Variants in ZNF770 observed in about 807,000 individuals in gnomAD.
ZNF770 encodes zinc finger protein 770.
In ZNF770, 13 loss-of-function variants were observed where a neutral mutation model predicts 44.8. That is an observed-to-expected ratio of 0.29 (90% confidence interval 0.19 to 0.46). The LOEUF (loss-of-function observed/expected upper bound fraction) is 0.46, where lower values mean the gene tolerates loss of function less well. Ranked by LOEUF, ZNF770 falls within the 20% of genes least tolerant of loss-of-function variation. The pLI, the probability that ZNF770 is intolerant of heterozygous loss-of-function variation, is 1.00. For missense variants in ZNF770, 681 were observed against 797.9 expected, an observed-to-expected ratio of 0.85 and a Z score of 1.77; for synonymous variants, 304 against 271.8, an observed-to-expected ratio of 1.12 and a Z score of -1.17.
Position 34,978,517 on chromosome 15 carries a change from T to C in ZNF770, c.*2842A>G, listed in dbSNP as rs2050381415. ...CAGCCAATCAAACTACTTCAGTAAATGATCATACTACAGCCTGGAATCACT... is the reference window on the plus strand; with the variant it reads ...CAGCCAATCAAACTACTTCAGTAAACGATCATACTACAGCCTGGAATCACT... On this transcript the variant is annotated 3_prime_UTR_variant, in exon 3 of 3. Transcript: ENST00000356321. The C allele has an allele frequency of 6.6e-6, 1 of 152,176 alleles. No homozygotes were observed. Among genetic ancestry groups the C allele is most frequent in the South Asian group, 2.1e-4 (1 of 4,834 alleles). The allele number at this position is 152,176 out of a possible 1,614,324, so 9.4% of individuals were successfully genotyped here. A position where few individuals can be genotyped will look rare whatever the true frequency, so the allele number is the denominator to read the frequency against.
chr15:34,984,299 C>T (rs1015593960), intron 2 of ZNF770, among the ~76,000 whole-genome samples: 1 of 152,160 alleles, frequency 6.6e-6, no homozygotes, highest in Non-Finnish European at 1.5e-5. Context: ...TTATCCTTAT[C>T]GTCTTAGTAA....
At position 34,981,788 on chromosome 15, in the gene ZNF770, T is replaced by C. The variant is rs757153638; in HGVS notation, c.1647A>G (p.Ser549=). ...FGNFNNLSNH[S]GNNVNYNASQ... Reference sequence around the variant, plus strand: ...AAGCATTATAGTTAACATTATTACCTGAATGATTAGAAAGATTGTTGAAGT... The same window carrying C: ...AAGCATTATAGTTAACATTATTACCCGAATGATTAGAAAGATTGTTGAAGT... The change falls in exon 3 of 3, where the codon TCA becomes TCG. Residue 549 remains serine (S), a synonymous_variant. Transcript: ENST00000356321. 1.2e-6 allele frequency: 2 copies of C among 1,614,140 alleles called. No homozygotes were observed. The highest frequency in any genetic ancestry group is 1.7e-6 in the Non-Finnish European group (2 of 1,180,024).
rs1352369198 is a variant in ZNF770, at chr15:34,979,898, GA to G, written c.*1460del. ...AATATGAAGGAAAATTTGTAATTAT[GA>G]AATAAGTCCTTTGTAGTAAAGAATA... On this transcript the variant is annotated 3_prime_UTR_variant, in exon 3 of 3. Transcript: ENST00000356321. 6.7e-6 allele frequency: 2 copies of G among 300,504 alleles called. No homozygotes were observed. The highest frequency in any genetic ancestry group is 2.3e-5 in the African/African-American group (1 of 44,062). 18.6% of individuals were successfully genotyped at this position (300,504 alleles called of 1,614,324 possible). A position where few individuals can be genotyped will look rare whatever the true frequency, so the allele number is the denominator to read the frequency against.
At position 34,982,338 on chromosome 15, in the gene ZNF770, A is replaced by C; in HGVS notation, c.1097T>G (p.Leu366Trp). Residue 366 changes from leucine (L) to tryptophan (W), a missense_variant, in exon 3 of 3, where the codon TTG (leucine) becomes TGG (tryptophan). Around this residue, in one of 5 missense-constraint regions of ZNF770, gnomAD observed 432 missense variants for 434.1 expected, o/e 1.00. Transcript: ENST00000356321. ...ACCAGAAATAAGATCACAATTTCTC[A>C]AGAAACTCTTTTTAAATACTTTTTT... ...SEKKVFKKSF[L>W]RNCDLISGEQ... The C allele has an allele frequency of 1.2e-6, 2 of 1,608,566 alleles. No individual in the cohort carries two copies. The highest frequency in any genetic ancestry group is 2.2e-5 in the South Asian group (2 of 89,446).
In ZNF770 at chr15:34,982,368, G is replaced by A. The variant is rs1379039268; in HGVS notation, c.1067C>T (p.Ser356Phe). 6.2e-7 allele frequency: 1 copy of A among 1,608,724 alleles called. No individual in the cohort carries two copies. The highest frequency in any genetic ancestry group is 2.2e-5 in the East Asian group (1 of 44,848). The change falls in exon 3 of 3, where the codon TCT becomes TTT. Residue 356 changes from serine (S) to phenylalanine (F), a missense_variant. Ser to Phe is a radical substitution (Grantham distance 155, BLOSUM62 -2). Transcript: ENST00000356321. ...ACTCTTTTTAAATACTTTTTTCTCA[G>A]ATTGAAAGTTATCTAATTTTTTACT... Reference protein sequence around the residue: ...ARSKKLDNFQSEKKVFKKSFL... With the variant: ...ARSKKLDNFQFEKKVFKKSFL...
At position 34,982,615 on chromosome 15, in the gene ZNF770, C is replaced by T. The variant is rs1403941811; in HGVS notation, c.820G>A (p.Glu274Lys). The T allele has an allele frequency of 1.9e-6, 3 of 1,613,276 alleles. No homozygotes were observed. In the Admixed American group the frequency reaches 5.0e-5, roughly 27 times the overall value. ...TTATTCTCCTCAGATTCACCAATCT[C>T]ACCATTTTCAAAACCACCCTGATTT... ...NANQGGFENG[E>K]IGESEENNPL... The change falls in exon 3 of 3, where the codon GAG (glutamate) becomes AAG (lysine). Residue 274 changes from glutamate (E) to lysine (K), a missense_variant. By Grantham distance (56) the Glu-to-Lys change is moderately conservative (BLOSUM62 1). Transcript: ENST00000356321.
chr15:34,980,379 C>G lies in ZNF770; in HGVS notation c.*980G>C, dbSNP rs1035573286. ...GGTAAATATAGGTACATCCTAGCCTCTCGCCTACTTTTAAATTATTTTGAG... is the reference window on the plus strand; with the variant it reads ...GGTAAATATAGGTACATCCTAGCCTGTCGCCTACTTTTAAATTATTTTGAG... On this transcript the variant is annotated 3_prime_UTR_variant, in exon 3 of 3. Coordinates refer to ENST00000356321, the MANE Select transcript of ZNF770 (RefSeq NM_014106.4). The G allele has an allele frequency of 5.9e-5, 9 of 152,138 alleles. No individual in the cohort carries two copies. Among genetic ancestry groups the G allele is most frequent in the African/African-American group, 1.9e-4 (8 of 41,396 alleles). 9.4% of individuals were successfully genotyped at this position (152,138 alleles called of 1,614,324 possible).
intron 2 of ZNF770, among the ~76,000 whole-genome samples, chr15:34,986,424 GTC>G (rs1250583457): frequency 1.3e-5 from 2 of 152,136 alleles, no homozygotes; most frequent in East Asian, 3.9e-4. Flanking sequence ...AAGCTCCAAA[GTC>G]TCTAAACATG....
In ZNF770 at chr15:34,979,673, C is replaced by T. The variant is rs538903845; in HGVS notation, c.*1686G>A. On this transcript the variant is annotated 3_prime_UTR_variant, in exon 3 of 3. Transcript: ENST00000356321. ...ACCTACTATCCCTCCCGCCTCCCCC[C>T]TGTCAAAAGAAAGTTCTCAGTTTAT... is the stretch of plus-strand genomic sequence containing the variant. 6.7e-6 allele frequency: 3 copies of T among 448,588 alleles called. No homozygotes were observed. The highest frequency in any genetic ancestry group is 2.4e-5 in the Admixed American group (1 of 40,844). The allele number at this position is 448,588 out of a possible 1,614,324, so 27.8% of individuals were successfully genotyped here.
chr15:34,982,114 A>T lies in ZNF770; in HGVS notation c.1321T>A (p.Ser441Thr). The T allele has an allele frequency of 6.2e-7, 1 of 1,614,052 alleles. No homozygotes were observed. The highest frequency in any genetic ancestry group is 8.5e-7 in the Non-Finnish European group (1 of 1,180,014). Residue 441 changes from serine (S) to threonine (T), a missense_variant, in exon 3 of 3, where the codon TCA becomes ACA. Around this residue, in one of 5 missense-constraint regions of ZNF770, gnomAD observed 432 missense variants for 434.1 expected, o/e 1.00. Transcript: ENST00000356321. ...IDNSVNKKDL[S>T]ICGSSGEEFF... is the part of the protein sequence containing the mutation. Reference sequence around the variant, plus strand: ...TCCTCACCTGATGAACCACAGATTGACAAGTCTTTCTTATTCACTGAATTA... The same window carrying T: ...TCCTCACCTGATGAACCACAGATTGTCAAGTCTTTCTTATTCACTGAATTA...
Position 34,979,941 on chromosome 15 carries a change from A to G in ZNF770, c.*1418T>C, listed in dbSNP as rs577072352. On this transcript the variant is annotated 3_prime_UTR_variant, in exon 3 of 3. Coordinates refer to ENST00000356321, the MANE Select transcript of ZNF770 (RefSeq NM_014106.4). ...TAAAGAATATTTCCCAAATCATAACAGTTCTATTTGGAATGATACCCACAA... is the reference window on the plus strand; with the variant it reads ...TAAAGAATATTTCCCAAATCATAACGGTTCTATTTGGAATGATACCCACAA... The G allele has an allele frequency of 4.1e-6, 1 of 242,702 alleles. No individual in the cohort carries two copies. Among genetic ancestry groups the G allele is most frequent in the East Asian group, 1.5e-4 (1 of 6,544 alleles). 15.0% of individuals were successfully genotyped at this position (242,702 alleles called of 1,614,324 possible).
chr15:34,987,738 G>C (rs1383969670), intron 1 of ZNF770, 65 bp from the exon 2 acceptor site: 1 of 152,118 alleles, frequency 6.6e-6, no homozygotes. Flanking sequence ...TGCCCCACTC[G>C]CCCCGGGCCC....
chr15:34,983,101 T>C lies in ZNF770; in HGVS notation c.334A>G (p.Lys112Glu). The C allele has an allele frequency of 6.2e-7, 1 of 1,614,114 alleles. No individual in the cohort carries two copies. The highest frequency in any genetic ancestry group is 8.5e-7 in the Non-Finnish European group (1 of 1,179,988). Residue 112 changes from lysine (K) to glutamate (E), a missense_variant, in exon 3 of 3, where the codon AAA becomes GAA. Around this residue, in one of 5 missense-constraint regions of ZNF770, gnomAD observed 432 missense variants for 434.1 expected, o/e 1.00. Transcript: ENST00000356321. ...GCCTCCAGCAATCTTCTGACCTGTTTAACATTATTCTGATAGGTTTCATTG... is the reference window on the plus strand; with the variant it reads ...GCCTCCAGCAATCTTCTGACCTGTTCAACATTATTCTGATAGGTTTCATTG... ...LHNETYQNNV[K>E]QVRRLLEAKQ... is the part of the protein sequence containing the mutation.
chr15:34,987,787 G>A (rs1329573783), intron 1 of ZNF770, 114 bp from the exon 2 acceptor site: 1 of 152,130 alleles, frequency 6.6e-6, no homozygotes, highest in Non-Finnish European at 1.5e-5. Context: ...CCCTCCCAGT[G>A]GACTACACTG....
chr15:34,987,603 T>C lies in ZNF770; in HGVS notation c.-103A>G, dbSNP rs1371021785. 1.3e-5 allele frequency: 2 copies of C among 152,266 alleles called. No individual in the cohort carries two copies. The highest frequency in any genetic ancestry group is 4.8e-5 in the African/African-American group (2 of 41,466). The allele number at this position is 152,266 out of a possible 1,614,324, so 9.4% of individuals were successfully genotyped here. On this transcript the variant is annotated 5_prime_UTR_variant, in exon 2 of 3. Transcript: ENST00000356321. ...CTCAAGGCTGAAAGCCTGTTGATTT[T>C]CTTGTCTTGACTAGTACCATTAAAA...
At chr15:34,987,869 C>T (rs2050445377) in intron 1 of ZNF770, among the ~76,000 whole-genome samples, 196 bp from the exon 2 acceptor site, 1 of 152,108 alleles carries the variant, frequency 6.6e-6, no homozygotes, top group Admixed American at 6.6e-5. Context: ...ATGGTCGAGC[C>T]GAGTCCAGAA....
At position 34,983,026 on chromosome 15, in the gene ZNF770, C is replaced by G. The variant is rs777391880; in HGVS notation, c.409G>C (p.Glu137Gln). ...YGVYNTFTTE[E>Q]RWALHPCSKS... Reference sequence around the variant, plus strand: ...GAGCACGGGTGTAATGCCCATCTTTCCTCTGTGGTAAAAGTATTATACACT... The same window carrying G: ...GAGCACGGGTGTAATGCCCATCTTTGCTCTGTGGTAAAAGTATTATACACT... The change falls in exon 3 of 3, where the codon GAA (glutamate) becomes CAA (glutamine). Residue 137 changes from glutamate (E) to glutamine (Q), a missense_variant. Transcript: ENST00000356321. 3 of 1,614,006 alleles carry G rather than the reference C, an allele frequency of 1.9e-6. No homozygotes were observed. In the East Asian group the frequency reaches 6.7e-5, roughly 36 times the overall value.
rs2050444120 is a variant in ZNF770 at position 34,987,680 on chromosome 15, G to A, written c.-173-7C>T. On this transcript the variant is annotated splice_region_variant and splice_polypyrimidine_tract_variant and intron_variant, in intron 1 of 2. Transcript: ENST00000356321. ...CGAACAAGAAATGAAAGACCTAAGA[G>A]AAACACACACAACTTTCAGTTGGGG... 1 of 152,238 alleles carries A rather than the reference G, an allele frequency of 6.6e-6. No individual in the cohort carries two copies. 9.4% of individuals were successfully genotyped at this position (152,238 alleles called of 1,614,324 possible). A position where few individuals can be genotyped will look rare whatever the true frequency, so the allele number is the denominator to read the frequency against.
At chr15:34,983,689 A>C (rs1236997017) in intron 2 of ZNF770, among the ~76,000 whole-genome samples, 199 bp from the exon 3 acceptor site, 1 of 152,158 alleles carries the variant, frequency 6.6e-6, no homozygotes. Flanking sequence ...TCTTTAAAAG[A>C]AATATCTAAA....
Sources: allele counts gnomAD v4.1 joint callset (sites outside exome capture counted in the v4.1 genomes callset), GRCh38; gene constraint gnomAD v4.1.1; regional missense constraint gnomAD v4.1.1; transcripts MANE v1.5; gene names NCBI Gene and HGNC (gene_info 2026-07-23, HGNC 2026-07-21).